Variants in BCAS3 observed in about 807,000 individuals in gnomAD.
BCAS3 encodes the protein BCAS3 microtubule associated cell migration factor.
Under a neutral mutation model 116.1 loss-of-function variants are expected in BCAS3, and 53 were observed. The ratio of observed to expected loss-of-function variants is 0.46; its 90% CI spans 0.37 to 0.57. The LOEUF is 0.57. BCAS3 is among the 20% of genes least tolerant of loss of function. BCAS3 has a pLI of 0.00. For synonymous variants in BCAS3, 391 were observed against 408.2 expected, an observed-to-expected ratio of 0.96 and a Z score of 0.51; for missense variants, 917 against 1,165.4, an observed-to-expected ratio of 0.79 and a Z score of 3.10.
At position 61,269,619 on chromosome 17, in the gene BCAS3, CTGTT is replaced by C. The variant is rs534762792; in HGVS notation, c.2426-98698_2426-98695del. On this transcript the variant is annotated intron_variant, in intron 22 of 23. Transcript: ENST00000407086. ...GTTACTCTCTGTTACATTTGTTTGT[CTGTT>C]TGTTTGTTTTGATAGTGGCCAACTT... Among the ~76,000 whole-genome samples the C allele has an allele frequency of 4.3e-3, 656 of 152,120 alleles. 4 individuals are homozygous for C. Among genetic ancestry groups the C allele is most frequent in the Non-Finnish European group, 8.1e-3 (549 of 67,990 alleles).
At chr17:60,923,632 A>G (rs1374168220) in intron 12 of BCAS3, among the ~76,000 whole-genome samples, 1 of 152,220 alleles carries the variant, frequency 6.6e-6, no homozygotes, top group Non-Finnish European at 1.5e-5. Flanking sequence ...AAATATTATG[A>G]TCCAAAATTG....
chr17:61,083,089 T>C lies in BCAS3; in HGVS notation c.2328-1378T>C, dbSNP rs1348338579. On this transcript the variant is annotated intron_variant, in intron 21 of 23. Transcript: ENST00000407086. The surrounding 1 kb of genome is among the most constrained non-coding windows in gnomAD (Gnocchi z 4.9). ...TGAATCTATCGTATTCAGTCACTAA[T>C]CTAAGTTTCTATATGTTGTAGTCCT... 6.6e-6 allele frequency among the ~76,000 whole-genome samples: 1 copy of C among 152,172 alleles called. No individual in the cohort carries two copies. The highest frequency in any genetic ancestry group is 1.5e-5 in the Non-Finnish European group (1 of 68,026).
chr17:60,849,284 T>C (rs958897949), intron 7 of BCAS3, among the ~76,000 whole-genome samples: 2 of 150,938 alleles, frequency 1.3e-5, no homozygotes, highest in African/African-American at 4.8e-5. Flanking sequence ...TTCAGTTCTT[T>C]TTTTTTTTTT....
intron 22 of BCAS3, among the ~76,000 whole-genome samples, chr17:61,216,910 C>T (rs1314240767): frequency 6.6e-6 from 1 of 151,974 alleles, no homozygotes; most frequent in Non-Finnish European, 1.5e-5. Flanking sequence ...TTTAAATGTG[C>T]ATCTGCTTGA....
At chr17:61,373,729 G>GCCCCCCC (rs58524713) in intron 23 of BCAS3, among the ~76,000 whole-genome samples, 1 of 142,004 alleles carries the variant, frequency 7.0e-6, no homozygotes, top group Non-Finnish European at 1.5e-5. Context: ...ACGATGCCCA[G>GCCCCCCC]CCCCTGTTTA....
intron 19 of BCAS3, among the ~76,000 whole-genome samples, chr17:61,058,515 T>C (rs1017373830): frequency 1.3e-5 from 2 of 152,200 alleles, no homozygotes; most frequent in Admixed American, 6.5e-5. Flanking sequence ...TGCTAGCATG[T>C]CATCCGTGGT....
intron 7 of BCAS3, among the ~76,000 whole-genome samples, chr17:60,842,375 A>G (rs911551866): frequency 1.3e-5 from 2 of 152,184 alleles, no homozygotes; most frequent in Non-Finnish European, 2.9e-5. Context: ...TTAAAAATCT[A>G]AGGTTACTAC....
At chr17:60,707,648 GTTAGC>G (rs1415879970) in intron 4 of BCAS3, among the ~76,000 whole-genome samples, 2 of 152,178 alleles carry the variant, frequency 1.3e-5, no homozygotes. Context: ...TAAATATGGT[GTTAGC>G]TTAGTATTTT....
At position 61,347,656 on chromosome 17, in the gene BCAS3, G is replaced by C. The variant is rs935577271; in HGVS notation, c.2426-20671G>C. Reference sequence around the variant, plus strand: ...TTCCCATCATCCAGCATAGCGACTGGTGCACAATAGACATCTGTTTTGTCT... The same window carrying C: ...TTCCCATCATCCAGCATAGCGACTGCTGCACAATAGACATCTGTTTTGTCT... On this transcript the variant is annotated intron_variant, in intron 22 of 23. Coordinates refer to ENST00000407086, the MANE Select transcript of BCAS3 (RefSeq NM_017679.5). The surrounding 1 kb of genome is among the most constrained non-coding windows in gnomAD (Gnocchi z 4.3). Among the ~76,000 whole-genome samples, 5 of 152,194 alleles carry C rather than the reference G, an allele frequency of 3.3e-5. No individual in the cohort carries two copies. Among genetic ancestry groups the C allele is most frequent in the African/African-American group, 1.2e-4 (5 of 41,450 alleles).
chr17:60,936,558 G>C (rs1189805070), intron 13 of BCAS3, among the ~76,000 whole-genome samples: 1 of 151,942 alleles, frequency 6.6e-6, no homozygotes, highest in African/African-American at 2.4e-5. Context: ...ATTCTAACTG[G>C]TGTGAGATGG....
intron 4 of BCAS3, among the ~76,000 whole-genome samples, chr17:60,700,157 G>A (rs769332217): frequency 2.9e-5 from 4 of 138,010 alleles, no homozygotes; most frequent in Non-Finnish European, 5.9e-5. Context: ...TTGGACAACA[G>A]AGTGAGACCC....
At chr17:61,175,715 C>T (rs188284132) in intron 22 of BCAS3, among the ~76,000 whole-genome samples, 150 of 152,260 alleles carry the variant, frequency 9.9e-4, no homozygotes, top group South Asian at 3.5e-3. Context: ...AAAATATTAA[C>T]GGAAGCTACA....
chr17:61,139,495 C>T lies in BCAS3; in HGVS notation c.2425+54931C>T, dbSNP rs955466476. On this transcript the variant is annotated intron_variant, in intron 22 of 23. Coordinates refer to ENST00000407086, the MANE Select transcript of BCAS3 (RefSeq NM_017679.5). The surrounding 1 kb of genome is among the most constrained non-coding windows in gnomAD (Gnocchi z 4.7). Reference sequence around the variant, plus strand: ...GGGCACACATCATCTGGGCTCAGTGCGGGCTTTGTTTATAGCAGAAGCCAT... The same window carrying T: ...GGGCACACATCATCTGGGCTCAGTGTGGGCTTTGTTTATAGCAGAAGCCAT... Among the ~76,000 whole-genome samples, 2 of 152,140 alleles carry T rather than the reference C, an allele frequency of 1.3e-5. No homozygotes were observed. The highest frequency in any genetic ancestry group is 4.8e-5 in the African/African-American group (2 of 41,418).
chr17:61,300,348 G>A lies in BCAS3; in HGVS notation c.2426-67979G>A, dbSNP rs558404592. Among the ~76,000 whole-genome samples, 66 of 151,960 alleles carry A rather than the reference G, an allele frequency of 4.3e-4. No homozygotes were observed. Among genetic ancestry groups the A allele is most frequent in the African/African-American group, 1.4e-3 (60 of 41,390 alleles). On this transcript the variant is annotated intron_variant, in intron 22 of 23. Transcript: ENST00000407086. This position sits in a 1 kb window ranked among gnomAD's most constrained non-coding sequence, Gnocchi z 5.1. ...CCGCCCTCCTCCCCTTTAACTCCTC[G>A]CCTGCCCCTTCAACTTCAGTTTTCT...
chr17:60,748,836 G>A (rs1407595789), intron 6 of BCAS3: 1 of 152,054 alleles, frequency 6.6e-6, no homozygotes, highest in East Asian at 1.9e-4. Context: ...AAAACATATT[G>A]TTAGATTTAA....
In BCAS3 at chr17:61,363,002, C is replaced by T. The variant is rs180717559; in HGVS notation, c.2426-5325C>T. Among the ~76,000 whole-genome samples, 400 of 152,302 alleles carry T rather than the reference C, an allele frequency of 2.6e-3. 3 individuals carry two copies. The highest frequency in any genetic ancestry group is 5.0e-3 in the Admixed American group (76 of 15,306). ...TCAAATTTCATAAGTAGTCAATAAACGAACCTGTTTTGAGCAAGCATGATG... is the reference window on the plus strand; with the variant it reads ...TCAAATTTCATAAGTAGTCAATAAATGAACCTGTTTTGAGCAAGCATGATG... On this transcript the variant is annotated intron_variant, in intron 22 of 23. Coordinates refer to ENST00000407086, the MANE Select transcript of BCAS3 (RefSeq NM_017679.5). This position sits in a 1 kb window ranked among gnomAD's most constrained non-coding sequence, Gnocchi z 4.9.
rs1278796593 is a variant in BCAS3, at chr17:61,004,734, G to T, written c.1487-11017G>T. Among the ~76,000 whole-genome samples the T allele has an allele frequency of 1.3e-5, 2 of 152,118 alleles. No individual in the cohort carries two copies. The highest frequency in any genetic ancestry group is 2.4e-5 in the African/African-American group (1 of 41,426). On this transcript the variant is annotated intron_variant, in intron 15 of 23. Transcript: ENST00000407086. The surrounding 1 kb of genome is among the most constrained non-coding windows in gnomAD (Gnocchi z 4.8). ...TTCATTGAAAGAGTTATTAACATTG[G>T]ATGATGTGTTTTTGCAGGTGAGAAT...
At chr17:61,206,897 G>A (rs2081174847) in intron 22 of BCAS3, among the ~76,000 whole-genome samples, 1 of 149,670 alleles carries the variant, frequency 6.7e-6, no homozygotes. Context: ...GTTTTGTATG[G>A]TTTGTTGTTT....
chr17:60,767,889 C>A (rs2044277353), intron 6 of BCAS3, among the ~76,000 whole-genome samples: 1 of 152,138 alleles, frequency 6.6e-6, no homozygotes, highest in Non-Finnish European at 1.5e-5. Flanking sequence ...CAGCTTTGAC[C>A]TTTTGGGCTC....
Sources: allele counts gnomAD v4.1 joint callset (sites outside exome capture counted in the v4.1 genomes callset), GRCh38; gene constraint gnomAD v4.1.1; non-coding constraint Gnocchi (gnomAD v3.1); transcripts MANE v1.5; gene names NCBI Gene and HGNC (gene_info 2026-07-23, HGNC 2026-07-21).